WASF1: variants seen among roughly 807,000 people sequenced by gnomAD.
WASF1 encodes the protein WASP family member 1, also known as actin-binding protein WASF1.
Under a neutral mutation model 50.5 loss-of-function variants are expected in WASF1, and 7 were observed. The observed-to-expected ratio is 0.14, with a 90% CI of 0.08 to 0.26. The LOEUF (loss-of-function observed/expected upper bound fraction) is 0.26. Ranked by LOEUF, WASF1 falls within the 10% of genes least tolerant of loss-of-function variation. The pLI is 1.00. For synonymous variants in WASF1, 205 were observed against 244.0 expected (o/e 0.84, Z 1.49); for missense variants, 470 against 694.7 (o/e 0.68, Z 3.64).
chr6:110,124,414 T>A (rs1271448426), intron 4 of WASF1, among the ~76,000 whole-genome samples: 2 of 150,116 alleles, frequency 1.3e-5, no homozygotes, highest in Non-Finnish European at 3.0e-5. Context: ...CCATTCACTC[T>A]TAGAGTATCT....
intron 3 of WASF1, among the ~76,000 whole-genome samples, chr6:110,132,431 C>G (rs143396915): frequency 1.4e-4 from 21 of 151,698 alleles, no homozygotes; most frequent in East Asian, 7.8e-4. Context: ...CTTTTTAACT[C>G]AAGCAGAAAA....
chr6:110,160,122 ATGTT>A (rs1224816974), intron 3 of WASF1, among the ~76,000 whole-genome samples: 1 of 151,934 alleles, frequency 6.6e-6, no homozygotes, highest in Non-Finnish European at 1.5e-5. Context: ...TATATTAAAA[ATGTT>A]AGTTATACTT....
intron 3 of WASF1, among the ~76,000 whole-genome samples, chr6:110,138,735 C>G (rs1424738488): frequency 6.6e-6 from 1 of 152,188 alleles, no homozygotes; most frequent in African/African-American, 2.4e-5. Flanking sequence ...GTGAATCTGG[C>G]TGAGTCTGAA....
intron 4 of WASF1, among the ~76,000 whole-genome samples, chr6:110,124,621 T>C (rs1774340105): frequency 6.6e-6 from 1 of 152,182 alleles, no homozygotes; most frequent in East Asian, 1.9e-4. Context: ...AAAACAGATG[T>C]ACTGGCTGGG....
At chr6:110,130,214 GA>G (rs1204127217) in intron 3 of WASF1, among the ~76,000 whole-genome samples, 3 of 151,940 alleles carry the variant, frequency 2.0e-5, no homozygotes, top group African/African-American at 4.8e-5. Context: ...GAAATGTAGA[GA>G]AAAAAAGCAT....
chr6:110,176,626 T>C (rs1776940688), intron 2 of WASF1, among the ~76,000 whole-genome samples: 1 of 152,118 alleles, frequency 6.6e-6, no homozygotes, highest in Admixed American at 6.5e-5. Context: ...TCTTTACCCA[T>C]TCATTTTATT....
chr6:110,105,305 G>A (rs1773269614), intron 8 of WASF1, 102 bp downstream of exon 8: 1 of 1,165,288 alleles, frequency 8.6e-7, no homozygotes, highest in Middle Eastern at 2.6e-4. Context: ...TTATAACAGG[G>A]TCTGCCTGTT....
chr6:110,116,437 C>T (rs770982811), intron 4 of WASF1, among the ~76,000 whole-genome samples: 1 of 152,126 alleles, frequency 6.6e-6, no homozygotes, highest in African/African-American at 2.4e-5. Flanking sequence ...ACTGCTAGTG[C>T]GGCAGTCTGA....
chr6:110,100,665 T>C lies in WASF1; in HGVS notation c.1537A>G (p.Lys513Glu). ...TCCTGTTCACGCTGCTCTTCTACTT[T>C]GCGTAGCTGAATACCTGATACAGTG... is the stretch of plus-strand genomic sequence containing the variant. Reference protein sequence around the residue: ...EAIRKGIQLRKVEEQREQEAK... With the variant: ...EAIRKGIQLREVEEQREQEAK... Residue 513 changes from lysine (K) to glutamate (E), a missense_variant, in exon 11 of 11, where the codon AAA becomes GAA. By Grantham distance (56) the Lys-to-Glu change is moderately conservative. Coordinates refer to ENST00000392589, the MANE Select transcript of WASF1 (RefSeq NM_003931.3). 6.2e-7 allele frequency: 1 copy of C among 1,612,242 alleles called. No individual in the cohort carries two copies. The highest frequency in any genetic ancestry group is 8.5e-7 in the Non-Finnish European group (1 of 1,179,214).
intron 2 of WASF1, among the ~76,000 whole-genome samples, chr6:110,168,542 A>C (rs1041643918): frequency 2.0e-5 from 3 of 152,106 alleles, no homozygotes; most frequent in African/African-American, 7.2e-5. Context: ...GCAGCAATAC[A>C]TAACCACCTT....
At chr6:110,123,539 T>C (rs887905573) in intron 4 of WASF1, among the ~76,000 whole-genome samples, 2 of 152,178 alleles carry the variant, frequency 1.3e-5, no homozygotes, top group Admixed American at 6.5e-5. Context: ...TGTGAGACCT[T>C]GGTATCAATT....
At chr6:110,142,484 A>G (rs1775290803) in intron 3 of WASF1, among the ~76,000 whole-genome samples, 1 of 152,164 alleles carries the variant, frequency 6.6e-6, no homozygotes, top group Non-Finnish European at 1.5e-5. Flanking sequence ...TAACTCAACT[A>G]TCAAAATCTC....
intron 3 of WASF1, among the ~76,000 whole-genome samples, chr6:110,133,961 C>T (rs775190896): frequency 2.0e-5 from 3 of 152,018 alleles, no homozygotes; most frequent in Admixed American, 6.5e-5. Context: ...AGGGTTTTTC[C>T]GATGTTATCT....
chr6:110,165,752 T>A (rs1776450342), intron 2 of WASF1, among the ~76,000 whole-genome samples: 2 of 151,864 alleles, frequency 1.3e-5, no homozygotes, highest in African/African-American at 4.8e-5. Flanking sequence ...TAAACCAGCA[T>A]CAGCAGCATC....
chr6:110,124,226 C>CTCTCT lies in WASF1; in HGVS notation c.133+3242_133+3243insAGAGA, dbSNP rs1195590873. ...CTCTCTCTCTCTCTCTCCTCTCTCT[C>CTCTCT]CTCTCTCTCCTCTCTCTCTCTCTCT... On this transcript the variant is annotated intron_variant, in intron 4 of 10. Transcript: ENST00000392589. Among the ~76,000 whole-genome samples the CTCTCT allele has an allele frequency of 1.6e-3, 98 of 60,622 alleles. 5 individuals carry two copies. Among genetic ancestry groups the CTCTCT allele is most frequent in the East Asian group, 3.0e-3 (5 of 1,654 alleles). The allele number at this position is 60,622 out of a possible 152,430, so 39.8% of individuals were successfully genotyped here.
chr6:110,142,863 G>A (rs1775310093), intron 3 of WASF1, among the ~76,000 whole-genome samples: 1 of 148,856 alleles, frequency 6.7e-6, no homozygotes, highest in Admixed American at 6.7e-5. Flanking sequence ...AAATTATACG[G>A]TGCTATAACA....
rs552680608 is a variant in WASF1 at position 110,104,317 on chromosome 6, GAAAT to G, written c.714-764_714-761del. Among the ~76,000 whole-genome samples, 1,117 of 152,226 alleles carry G rather than the reference GAAAT, an allele frequency of 7.3e-3. 18 individuals carry two copies. Among genetic ancestry groups the G allele is most frequent in the African/African-American group, 0.025 (1,051 of 41,532 alleles). ...GTACCTTAATTACTCAACTGTAGTA[GAAAT>G]AAATGTCTAAAGTTTATTAATTTTT... On this transcript the variant is annotated intron_variant, in intron 8 of 10. Coordinates refer to ENST00000392589, the MANE Select transcript of WASF1 (RefSeq NM_003931.3).
intron 3 of WASF1, among the ~76,000 whole-genome samples, chr6:110,147,766 A>C (rs1453726709): frequency 6.6e-6 from 1 of 152,178 alleles, no homozygotes; most frequent in Non-Finnish European, 1.5e-5. Flanking sequence ...TTTTCTTTTG[A>C]GACAAGGTCT....
At chr6:110,164,770 A>G (rs138278486) in intron 2 of WASF1, among the ~76,000 whole-genome samples, 3 of 151,776 alleles carry the variant, frequency 2.0e-5, no homozygotes, top group Middle Eastern at 6.8e-3. Flanking sequence ...AGTTTTATTC[A>G]TAACTGCTGA....
Sources: allele counts gnomAD v4.1 joint callset (sites outside exome capture counted in the v4.1 genomes callset), GRCh38; gene constraint gnomAD v4.1.1; transcripts MANE v1.5; gene names NCBI Gene and HGNC (gene_info 2026-07-23, HGNC 2026-07-21).